POTEC: variants seen among roughly 807,000 people sequenced by gnomAD.
POTEC encodes the protein POTE ankyrin domain family member C, also known as ANKRD26-like family B member 2.
Under a neutral mutation model 62.0 loss-of-function variants are expected in POTEC, and 35 were observed. The observed-to-expected ratio is 0.56, with a 90% confidence interval of 0.43 to 0.75. The LOEUF (loss-of-function observed/expected upper bound fraction) is 0.75. POTEC is among the 30% of genes least tolerant of loss of function. The pLI is 0.00. For missense variants in POTEC, 472 were observed against 655.9 expected (o/e 0.72, Z 3.06); for synonymous variants, 156 against 221.5 (o/e 0.70, Z 2.62).
At chr18:14,533,036 C>A in intron 5 of POTEC, 25 bp downstream of exon 5, 1 of 1,608,682 alleles carries the variant, frequency 6.2e-7, no homozygotes, top group South Asian at 1.1e-5. Context: ...TTAGCATTAA[C>A]TAGCCTTTTC....
chr18:14,520,405 G>A (rs1019879369), intron 9 of POTEC, among the ~76,000 whole-genome samples: 1 of 150,944 alleles, frequency 6.6e-6, no homozygotes. Context: ...AAAACTAAAA[G>A]CTTCAATGAG....
At chr18:14,512,795 ACG>A (rs1437468460) in intron 10 of POTEC, among the ~76,000 whole-genome samples, 1 of 148,932 alleles carries the variant, frequency 6.7e-6, no homozygotes, top group African/African-American at 2.5e-5. Context: ...ACACACACAC[ACG>A]TATATATGCA....
At position 14,543,426 on chromosome 18, in the gene POTEC, A is replaced by C; in HGVS notation, c.-280T>G. 4 of 585,942 alleles carry C rather than the reference A, an allele frequency of 6.8e-6. No homozygotes were observed. Among genetic ancestry groups the C allele is most frequent in the Non-Finnish European group, 1.2e-5 (4 of 328,264 alleles). 36.3% of individuals were successfully genotyped at this position (585,942 alleles called of 1,614,324 possible). On this transcript the variant is annotated 5_prime_UTR_variant, in exon 1 of 11. Transcript: ENST00000358970. ...GGAAACACCCAGCCCAGTCAAGGGA[A>C]TGCCAAACCCAGCAGAGAAAAAGTC...
rs547851784 is a variant in POTEC at position 14,519,070 on chromosome 18, A to T, written c.1409+3184T>A. 5.3e-5 allele frequency among the ~76,000 whole-genome samples: 8 copies of T among 152,318 alleles called. No homozygotes were observed. The South Asian group carries it at 1.7e-3, about 32-fold the overall frequency. On this transcript the variant is annotated intron_variant, in intron 9 of 10. Coordinates refer to ENST00000358970, the MANE Select transcript of POTEC (RefSeq NM_001137671.2). ...CTGCAGATGAGGGTGGCTCAGATGT[A>T]TGAGATATGACTGGCTTCTGGACAT...
chr18:14,530,968 T>A (rs1418676201), intron 5 of POTEC, among the ~76,000 whole-genome samples: 1 of 151,996 alleles, frequency 6.6e-6, no homozygotes, highest in East Asian at 1.9e-4. Context: ...CAAGGTAACA[T>A]TTTTTAAATG....
intron 5 of POTEC, chr18:14,531,554 C>T (rs1215809615): frequency 1.3e-5 from 2 of 152,086 alleles, no homozygotes; most frequent in African/African-American, 4.8e-5. Flanking sequence ...AGACCATCTT[C>T]CATGACTATT....
At chr18:14,542,374 G>A (rs1170745276) in intron 1 of POTEC, among the ~76,000 whole-genome samples, 4 of 152,204 alleles carry the variant, frequency 2.6e-5, no homozygotes, top group South Asian at 4.2e-4. Context: ...TTAATTTTGC[G>A]AGTTAAATCA....
At chr18:14,518,278 G>A (rs1022981513) in intron 9 of POTEC, among the ~76,000 whole-genome samples, 1 of 151,110 alleles carries the variant, frequency 6.6e-6, no homozygotes, top group African/African-American at 2.4e-5. Context: ...GACAGATAAG[G>A]CAAAATATAC....
At chr18:14,541,250 C>T (rs952759881) in intron 1 of POTEC, among the ~76,000 whole-genome samples, 10 of 152,138 alleles carry the variant, frequency 6.6e-5, no homozygotes, top group African/African-American at 2.4e-4. Flanking sequence ...ACTTAAATTC[C>T]TTCTCTTAGC....
At chr18:14,513,530 CAT>C (rs373094454) in intron 10 of POTEC, 130 bp downstream of exon 10, 14 of 1,162,556 alleles carry the variant, frequency 1.2e-5, no homozygotes, top group African/African-American at 7.7e-5. Flanking sequence ...TGTGTGTTTA[CAT>C]ATATACACAC....
At chr18:14,528,906 T>C (rs1910507563) in intron 6 of POTEC, 3 of 453,958 alleles carry the variant, frequency 6.6e-6, no homozygotes, top group East Asian at 6.9e-5. Flanking sequence ...TCAGAAACCC[T>C]GCAAGGTTCA....
Position 14,511,202 on chromosome 18 carries a change from C to T in POTEC, c.*696G>A, listed in dbSNP as rs1172669120. ...AGGAAGGTTTCAAATCTCCATTGGCCAGGGAACACTGGTGGGTGTAGCTGG... is the reference window on the plus strand; with the variant it reads ...AGGAAGGTTTCAAATCTCCATTGGCTAGGGAACACTGGTGGGTGTAGCTGG... On this transcript the variant is annotated 3_prime_UTR_variant, in exon 11 of 11. Coordinates refer to ENST00000358970, the MANE Select transcript of POTEC (RefSeq NM_001137671.2). 2 of 153,918 alleles carry T rather than the reference C, an allele frequency of 1.3e-5. No individual in the cohort carries two copies. The highest frequency in any genetic ancestry group is 2.9e-5 in the Non-Finnish European group (2 of 69,656). The allele number at this position is 153,918 out of a possible 1,614,324, so 9.5% of individuals were successfully genotyped here. A position where few individuals can be genotyped will look rare whatever the true frequency, so the allele number is the denominator to read the frequency against.
In POTEC at chr18:14,528,522, AC is replaced by A. The variant is rs199594626; in HGVS notation, c.1126+1960del. 4.7e-3 allele frequency among the ~76,000 whole-genome samples: 715 copies of A among 152,240 alleles called. 5 individuals are homozygous for A. The highest frequency in any genetic ancestry group is 0.016 in the African/African-American group (672 of 41,560). On this transcript the variant is annotated intron_variant, in intron 6 of 10. Transcript: ENST00000358970. The stretch of plus-strand genomic sequence containing the variant: ...TAAGTTTTCTCCCTGTTTAAAAGAC[AC>A]ATGTGAAGAAAAGCAGCCCTTGAAA...
intron 8 of POTEC, 146 bp from the exon 9 acceptor site, chr18:14,522,566 C>G (rs1439756796): frequency 1.6e-6 from 2 of 1,284,776 alleles, no homozygotes; most frequent in Admixed American, 2.9e-5. Context: ...ATATACAGAA[C>G]TATTACCGTA....
chr18:14,509,059 A>G lies in POTEC; in HGVS notation c.*2839T>C, dbSNP rs1909922696. The G allele has an allele frequency of 6.6e-6, 1 of 152,256 alleles. No homozygotes were observed. The highest frequency in any genetic ancestry group is 2.4e-5 in the African/African-American group (1 of 41,462). The allele number at this position is 152,256 out of a possible 1,614,324, so 9.4% of individuals were successfully genotyped here. A position where few individuals can be genotyped will look rare whatever the true frequency, so the allele number is the denominator to read the frequency against. On this transcript the variant is annotated 3_prime_UTR_variant, in exon 11 of 11. Coordinates refer to ENST00000358970, the MANE Select transcript of POTEC (RefSeq NM_001137671.2). ...AACTCTGGGGAACTTGTATTGGGCC[A>G]CAACTTTGTCCTCTGGCTCCTCGAG...
chr18:14,535,179 T>C (rs1310779231), intron 3 of POTEC, among the ~76,000 whole-genome samples, 172 bp from the exon 4 acceptor site: 1 of 151,034 alleles, frequency 6.6e-6, no homozygotes, highest in Non-Finnish European at 1.5e-5. Context: ...AAACATCCCT[T>C]CTCTGCCTCA....
intron 1 of POTEC, among the ~76,000 whole-genome samples, chr18:14,542,012 T>C (rs1905949879): frequency 6.6e-6 from 1 of 152,166 alleles, no homozygotes; most frequent in Non-Finnish European, 1.5e-5. Flanking sequence ...AATCAATTTA[T>C]CACAATGATA....
At position 14,518,947 on chromosome 18, in the gene POTEC, C is replaced by T. The variant is rs562746699; in HGVS notation, c.1409+3307G>A. Among the ~76,000 whole-genome samples, 3 of 152,222 alleles carry T rather than the reference C, an allele frequency of 2.0e-5. No individual in the cohort carries two copies. In the South Asian group the frequency reaches 6.2e-4, roughly 32 times the overall value. ...GGGGCAGAGGAATGAAACAATTTGA[C>T]TTATGTTTTAAATACATCCACTGAG... is the stretch of plus-strand genomic sequence containing the variant. On this transcript the variant is annotated intron_variant, in intron 9 of 10. Transcript: ENST00000358970.
intron 10 of POTEC, among the ~76,000 whole-genome samples, chr18:14,512,615 A>C (rs1250347806): frequency 1.3e-5 from 2 of 152,186 alleles, no homozygotes; most frequent in Non-Finnish European, 2.9e-5. Flanking sequence ...GAGGTCAAAA[A>C]ATATATGCAG....
Sources: allele counts gnomAD v4.1 joint callset (sites outside exome capture counted in the v4.1 genomes callset), GRCh38; gene constraint gnomAD v4.1.1; transcripts MANE v1.5; gene names NCBI Gene and HGNC (gene_info 2026-07-23, HGNC 2026-07-21).